ARAP2: variants seen among roughly 807,000 people sequenced by gnomAD.
The protein encoded by ARAP2 is arf-GAP with Rho-GAP domain, ANK repeat and PH domain-containing protein 2.
In ARAP2, 148 loss-of-function variants were observed where a neutral mutation model predicts 194.5. The observed-to-expected ratio is 0.76, with a 90% CI of 0.67 to 0.87. ARAP2 has a LOEUF of 0.87. ARAP2 is among the 40% of genes least tolerant of loss of function. ARAP2 has a pLI of 0.00. For missense variants in ARAP2, 2,128 were observed against 1,989.7 expected (o/e 1.07, Z -1.32); for synonymous variants, 695 against 683.5 (o/e 1.02, Z -0.26).
intron 1 of ARAP2, among the ~76,000 whole-genome samples, chr4:36,237,728 A>G (rs1426837381): frequency 6.6e-6 from 1 of 152,180 alleles, no homozygotes; most frequent in Non-Finnish European, 1.5e-5. Flanking sequence ...TTCTTTATAA[A>G]TTACCCAGTT....
intron 5 of ARAP2, among the ~76,000 whole-genome samples, chr4:36,025,682 GA>G (rs201201054): frequency 0.027 from 3,601 of 133,956 alleles, 158 homozygotes; most frequent in African/African-American, 0.09. Flanking sequence ...TTTGCAGAAA[GA>G]AAAAAAAAAA....
chr4:36,091,042 T>C (rs901661425), intron 28 of ARAP2, among the ~76,000 whole-genome samples: 1 of 152,168 alleles, frequency 6.6e-6, no homozygotes, highest in Non-Finnish European at 1.5e-5. Context: ...TTGCAGTGTA[T>C]ATATAATACA....
chr4:36,148,616 G>T, intron 16 of ARAP2, 109 bp from the exon 17 acceptor site: 1 of 775,558 alleles, frequency 1.3e-6, no homozygotes, highest in South Asian at 1.9e-5. Flanking sequence ...ATAAACTAAT[G>T]TTATGAAATC....
intron 9 of ARAP2, among the ~76,000 whole-genome samples, chr4:36,170,341 A>C (rs1006319699): frequency 6.6e-6 from 1 of 152,186 alleles, no homozygotes; most frequent in African/African-American, 2.4e-5. Context: ...TAATCCCAAC[A>C]CTTTGGGAGG....
chr4:36,098,283 C>G (rs1011173981), intron 27 of ARAP2, among the ~76,000 whole-genome samples: 1 of 152,024 alleles, frequency 6.6e-6, no homozygotes, highest in Non-Finnish European at 1.5e-5. Context: ...AATCATTATT[C>G]TTTCAGCAAT....
intron 26 of ARAP2, among the ~76,000 whole-genome samples, chr4:36,110,153 A>G (rs1459422594): frequency 6.6e-6 from 1 of 151,840 alleles, no homozygotes; most frequent in Non-Finnish European, 1.5e-5. Flanking sequence ...TAAAGCCCAA[A>G]ATCTTAACTA....
rs1306502151 is a variant in ARAP2, at chr4:36,158,879, GAAAT to G, written c.2618-19_2618-16del. ...TTGAGGGAAATCTAGAAAAATTAAA[GAAAT>G]AAGGCACAAGAAATCTAAAATGTAA... On this transcript the variant is annotated splice_polypyrimidine_tract_variant and intron_variant, in intron 14 of 32. Transcript: ENST00000303965. 1 of 1,574,136 alleles carries G rather than the reference GAAAT, an allele frequency of 6.4e-7. No homozygotes were observed. Among genetic ancestry groups the G allele is most frequent in the Non-Finnish European group, 8.6e-7 (1 of 1,166,796 alleles).
intron 32 of ARAP2, among the ~76,000 whole-genome samples, chr4:36,072,727 A>G (rs1727323963): frequency 6.6e-6 from 1 of 151,708 alleles, no homozygotes; most frequent in Admixed American, 6.6e-5. Flanking sequence ...AAGAAATGAC[A>G]AGGTCATGAT....
Position 36,117,143 on chromosome 4 carries a change from A to G in ARAP2, c.3964-8T>C. 1 of 1,586,690 alleles carries G rather than the reference A, an allele frequency of 6.3e-7. No individual in the cohort carries two copies. The highest frequency in any genetic ancestry group is 1.8e-5 in the Admixed American group (1 of 56,192). ...ATCTCCAGCCTGGGAAACCTAGAAA[A>G]GGGCAGAGGTAGAAACAACACAGAT... On this transcript the variant is annotated splice_polypyrimidine_tract_variant and splice_region_variant and intron_variant, in intron 24 of 32. Coordinates refer to ENST00000303965, the MANE Select transcript of ARAP2 (RefSeq NM_015230.4).
At chr4:36,153,027 A>G (rs1731380413) in intron 15 of ARAP2, among the ~76,000 whole-genome samples, 1 of 152,244 alleles carries the variant, frequency 6.6e-6, no homozygotes, top group Non-Finnish European at 1.5e-5. Context: ...AGCATAACAT[A>G]AATGTGACTG....
intron 6 of ARAP2, among the ~76,000 whole-genome samples, chr4:36,207,622 T>A (rs1439720560): frequency 6.6e-6 from 1 of 152,218 alleles, no homozygotes; most frequent in African/African-American, 2.4e-5. Context: ...AGATTGTGAA[T>A]GTGATTATTT....
chr4:36,130,167 T>C (rs1302617831), intron 20 of ARAP2, among the ~76,000 whole-genome samples: 1 of 151,970 alleles, frequency 6.6e-6, no homozygotes, highest in Non-Finnish European at 1.5e-5. Context: ...CACAACTCCT[T>C]GCCCATATTC....
chr4:36,061,074 A>C (rs900103194), downstream of ARAP2, among the ~76,000 whole-genome samples: 1 of 152,178 alleles, frequency 6.6e-6, no homozygotes, highest in South Asian at 2.1e-4. Context: ...ATTAAAAAAA[A>C]ATTTAATTTT....
chr4:36,033,676 CT>C (rs934592408), intron 5 of ARAP2, among the ~76,000 whole-genome samples: 4 of 151,880 alleles, frequency 2.6e-5, no homozygotes, highest in African/African-American at 9.7e-5. Context: ...TAATTATTTG[CT>C]TTTTTTGTGA....
At chr4:36,115,254 T>C (rs1300516187) in intron 25 of ARAP2, among the ~76,000 whole-genome samples, 1 of 151,950 alleles carries the variant, frequency 6.6e-6, no homozygotes, top group Non-Finnish European at 1.5e-5. Context: ...AATTATACAA[T>C]GAAGTCCACT....
chr4:36,200,710 T>C (rs1744189920), intron 6 of ARAP2, among the ~76,000 whole-genome samples: 1 of 152,240 alleles, frequency 6.6e-6, no homozygotes, highest in Admixed American at 6.5e-5. Context: ...CAATGATTAC[T>C]AAATGTTTAA....
In ARAP2 at chr4:36,229,212, T is replaced by A. The variant is rs1040660244; in HGVS notation, c.275A>T (p.Asp92Val). ...CTGATCAGAAGATGGAACATGGTAATCCTTTGAAGGGTCATCATTCTTCTT... is the reference window on the plus strand; with the variant it reads ...CTGATCAGAAGATGGAACATGGTAAACCTTTGAAGGGTCATCATTCTTCTT... ...KTKKNDDPSK[D>V]YHVPSSDQNI... Residue 92 changes from aspartate (D) to valine (V), a missense_variant, in exon 2 of 33, where the codon GAT becomes GTT. Transcript: ENST00000303965. The A allele has an allele frequency of 6.2e-7, 1 of 1,614,142 alleles. No homozygotes were observed. Among genetic ancestry groups the A allele is most frequent in the Non-Finnish European group, 8.5e-7 (1 of 1,179,990 alleles).
In ARAP2 at chr4:36,213,335, C is replaced by T. The variant is rs1166873181; in HGVS notation, c.965-16G>A. The T allele has an allele frequency of 4.5e-6, 7 of 1,546,002 alleles. No individual in the cohort carries two copies. The highest frequency in any genetic ancestry group is 6.2e-6 in the Non-Finnish European group (7 of 1,120,234). On this transcript the variant is annotated splice_polypyrimidine_tract_variant and intron_variant, in intron 3 of 32. Transcript: ENST00000303965. The stretch of plus-strand genomic sequence containing the variant: ...TCATTTGAATCTTTTAGGGGAATTA[C>T]AGGATGAGAACAGAAAGATGTGAAT...
intron 11 of ARAP2, among the ~76,000 whole-genome samples, chr4:36,162,132 T>C (rs1339400158): frequency 1.4e-5 from 1 of 73,482 alleles, no homozygotes; most frequent in African/African-American, 6.1e-5. Context: ...AGAACTACAC[T>C]TACTTAAATA....
Sources: gnomAD v4.1 joint callset for allele counts (sites outside exome capture counted in the v4.1 genomes callset) on GRCh38, gnomAD v4.1.1 for gene constraint, MANE v1.5 for transcripts, NCBI Gene and HGNC (gene_info 2026-07-23, HGNC 2026-07-21) for gene names.